RIC1: variants seen among roughly 807,000 people sequenced by gnomAD.
RIC1 encodes RIC1 partner of RAB6A GEF complex, also known as guanine nucleotide exchange factor subunit RIC1.
RIC1 carries 88 observed loss-of-function variants against 169.0 expected under a neutral mutation model. The observed-to-expected ratio is 0.52, with a 90% confidence interval of 0.44 to 0.62. RIC1 has a LOEUF of 0.62. RIC1 is among the 20% of genes least tolerant of loss of function. The pLI, the probability that RIC1 is intolerant of heterozygous loss-of-function variation, is 0.00. For synonymous variants in RIC1, 790 were observed against 601.5 expected (o/e 1.31, Z -4.59); for missense variants, 1,877 against 1,725.5 (o/e 1.09, Z -1.56).
intron 2 of RIC1, among the ~76,000 whole-genome samples, chr9:5,663,778 C>G (rs1352038726): frequency 6.6e-6 from 1 of 152,056 alleles, no homozygotes; most frequent in Non-Finnish European, 1.5e-5. Context: ...CATTCTGTGT[C>G]TTTTAATTGG....
intron 12 of RIC1, among the ~76,000 whole-genome samples, chr9:5,748,399 G>A (rs1195374835): frequency 3.3e-5 from 5 of 152,182 alleles, no homozygotes; most frequent in African/African-American, 1.2e-4. Context: ...CATGTGAAAG[G>A]TTGAAGGATT....
chr9:5,729,008 C>G (rs1480701539), intron 6 of RIC1, among the ~76,000 whole-genome samples: 2 of 152,194 alleles, frequency 1.3e-5, no homozygotes, highest in African/African-American at 4.8e-5. Context: ...ACCCTTCCCT[C>G]TGTCCCTCCC....
chr9:5,758,722 CTTTTTTTTT>C (rs754931692), intron 17 of RIC1, among the ~76,000 whole-genome samples: 1 of 98,426 alleles, frequency 1.0e-5, no homozygotes, highest in African/African-American at 4.0e-5. Flanking sequence ...GGTCTCCCTT[CTTTTTTTTT>C]TTTTTTTTTT....
chr9:5,643,918 C>G (rs527279268), intron 1 of RIC1, among the ~76,000 whole-genome samples: 60 of 152,158 alleles, frequency 3.9e-4, no homozygotes, highest in Non-Finnish European at 7.2e-4. Flanking sequence ...AGAGAGGTTT[C>G]TTACCTTTAA....
intron 9 of RIC1, 80 bp from the exon 10 acceptor site, chr9:5,743,608 AT>A (rs533212052): frequency 6.0e-6 from 7 of 1,173,152 alleles, no homozygotes; most frequent in Non-Finnish European, 8.6e-6. Context: ...AATCCGTTTG[AT>A]TTTTTAAAAA....
rs989533275 is a variant in RIC1, at chr9:5,636,765, T to C, written c.144+7312T>C. On this transcript the variant is annotated intron_variant, in intron 1 of 25. Transcript: ENST00000414202. ...GGTGGTTTTTAGGTTTTTCTAAATATAAGATTATGTCATCTTCAGAGACAA... is the reference window on the plus strand; with the variant it reads ...GGTGGTTTTTAGGTTTTTCTAAATACAAGATTATGTCATCTTCAGAGACAA... Among the ~76,000 whole-genome samples the C allele has an allele frequency of 1.7e-4, 26 of 152,358 alleles. No homozygotes were observed. In the South Asian group the frequency reaches 1.9e-3, roughly 11 times the overall value.
intron 2 of RIC1, among the ~76,000 whole-genome samples, chr9:5,684,129 C>T (rs1563897583): frequency 6.6e-6 from 1 of 152,100 alleles, no homozygotes; most frequent in Non-Finnish European, 1.5e-5. Flanking sequence ...TCAGCTCACG[C>T]ACAGTGCGCT....
At chr9:5,743,803 A>G in intron 10 of RIC1, 66 bp downstream of exon 10, 3 of 1,190,084 alleles carry the variant, frequency 2.5e-6, no homozygotes, top group Non-Finnish European at 3.7e-6. Context: ...CCCTTTTTTC[A>G]CTCATTTTTA....
intron 3 of RIC1, among the ~76,000 whole-genome samples, chr9:5,704,199 G>A (rs1429966907): frequency 6.6e-6 from 1 of 151,526 alleles, no homozygotes; most frequent in Non-Finnish European, 1.5e-5. Context: ...ATCTATTCAA[G>A]TCTTCTTCCC....
intron 3 of RIC1, among the ~76,000 whole-genome samples, chr9:5,693,788 T>C (rs1424174306): frequency 6.6e-6 from 1 of 152,144 alleles, no homozygotes; most frequent in South Asian, 2.1e-4. Context: ...TAAACAAATA[T>C]GTCATCATCA....
chr9:5,694,826 G>A (rs1999529), intron 3 of RIC1, among the ~76,000 whole-genome samples: 43,913 of 149,642 alleles, frequency 0.29, 7,442 homozygotes, highest in East Asian at 0.61. Context: ...TGAAAAGTCT[G>A]GTGAAAGGGT....
intron 2 of RIC1, among the ~76,000 whole-genome samples, chr9:5,676,176 C>G (rs1288871629): frequency 6.6e-6 from 1 of 152,190 alleles, no homozygotes; most frequent in Admixed American, 6.5e-5. Flanking sequence ...CTCAGACTCC[C>G]AAAGTGCTGG....
intron 21 of RIC1, among the ~76,000 whole-genome samples, chr9:5,766,748 C>T (rs1458921838): frequency 6.6e-6 from 1 of 152,188 alleles, no homozygotes; most frequent in African/African-American, 2.4e-5. Flanking sequence ...CACTCGTTGA[C>T]TGATGGGCAT....
intron 3 of RIC1, among the ~76,000 whole-genome samples, chr9:5,698,258 CT>C (rs1822019778): frequency 6.6e-6 from 1 of 152,172 alleles, no homozygotes; most frequent in South Asian, 2.1e-4. Flanking sequence ...AAGCAGTCTT[CT>C]TTTCTTTTAA....
intron 17 of RIC1, among the ~76,000 whole-genome samples, chr9:5,761,055 A>G (rs7044626): frequency 0.48 from 70,065 of 146,612 alleles, 17,440 homozygotes; most frequent in African/African-American, 0.64. Context: ...TACCCTGGCT[A>G]GTGTGCCTGA....
chr9:5,684,763 A>G (rs187202668), intron 2 of RIC1, among the ~76,000 whole-genome samples: 2 of 152,282 alleles, frequency 1.3e-5, no homozygotes, highest in African/African-American at 4.8e-5. Context: ...TGATGAAGGC[A>G]TTCAGTCTTT....
At chr9:5,648,041 G>T (rs1818618320) in intron 1 of RIC1, among the ~76,000 whole-genome samples, 1 of 151,840 alleles carries the variant, frequency 6.6e-6, no homozygotes, top group South Asian at 2.1e-4. Flanking sequence ...GGAGTGCAAT[G>T]GTGTGATCTC....
intron 15 of RIC1, among the ~76,000 whole-genome samples, chr9:5,755,380 A>G (rs1366283116): frequency 6.6e-6 from 1 of 152,196 alleles, no homozygotes; most frequent in East Asian, 1.9e-4. Context: ...ATACATACCT[A>G]TGATAAAGTT....
chr9:5,686,713 C>T (rs1294966558), intron 2 of RIC1, among the ~76,000 whole-genome samples: 3 of 151,658 alleles, frequency 2.0e-5, no homozygotes, highest in Non-Finnish European at 2.9e-5. Flanking sequence ...ACCAGTATGG[C>T]ACATGTATAC....
Sources: allele counts gnomAD v4.1 joint callset (sites outside exome capture counted in the v4.1 genomes callset), GRCh38; gene constraint gnomAD v4.1.1; transcripts MANE v1.5; gene names NCBI Gene and HGNC (gene_info 2026-07-23, HGNC 2026-07-21).